Variants in NXPE4 observed in about 807,000 individuals in gnomAD.
NXPE4 encodes neurexophilin and PC-esterase domain family member 4, also known as NXPE family member 4.
In NXPE4, 42 loss-of-function variants were observed where a neutral mutation model predicts 33.3. The observed-to-expected ratio is 1.26, with a 90% CI of 0.98 to 1.63. NXPE4 has a LOEUF of 1.63. NXPE4 is among the 40% of genes most tolerant of loss of function. The pLI is 0.00. For synonymous variants in NXPE4, 253 were observed against 234.9 expected (o/e 1.08, Z -0.71); for missense variants, 709 against 647.6 (o/e 1.09, Z -1.03).
intron 5 of NXPE4, among the ~76,000 whole-genome samples, chr11:114,577,009 TTATATATATATATATA>T (rs56902026): frequency 8.6e-6 from 1 of 116,260 alleles, no homozygotes; most frequent in Non-Finnish European, 1.7e-5. Flanking sequence ...ATATATAAAG[TTATATATATATATATA>T]TACATATATA....
At chr11:114,644,098 T>C in the NXPE4 span, among the ~76,000 whole-genome samples, 2 of 152,212 alleles carry the variant, frequency 1.3e-5, no homozygotes, top group African/African-American at 4.8e-5. Flanking sequence ...TTTTTGCACA[T>C]TGATTTTGTA....
chr11:114,655,904 C>T, the NXPE4 span, among the ~76,000 whole-genome samples: 1 of 152,162 alleles, frequency 6.6e-6, no homozygotes, highest in Non-Finnish European at 1.5e-5. Context: ...TTCTATTCTA[C>T]ATAGTTTTGG....
the NXPE4 span, among the ~76,000 whole-genome samples, chr11:114,676,134 G>A: frequency 6.6e-6 from 1 of 151,920 alleles, no homozygotes; most frequent in Non-Finnish European, 1.5e-5. Context: ...CATAGGACCT[G>A]AAACTGTAAA....
chr11:114,584,934 C>T (rs930415474), intron 2 of NXPE4, among the ~76,000 whole-genome samples: 2 of 152,064 alleles, frequency 1.3e-5, no homozygotes, highest in African/African-American at 4.8e-5. Context: ...GCATAAAAGG[C>T]GCCAGGTCTG....
the NXPE4 span, among the ~76,000 whole-genome samples, chr11:114,643,566 T>C: frequency 6.6e-6 from 1 of 152,116 alleles, no homozygotes; most frequent in Non-Finnish European, 1.5e-5. Flanking sequence ...CAGATGGTTG[T>C]AGATGTGTGG....
the NXPE4 span, among the ~76,000 whole-genome samples, chr11:114,640,222 T>G: frequency 2.8e-5 from 4 of 140,820 alleles, no homozygotes; most frequent in African/African-American, 1.0e-4. Context: ...AAATGTAATT[T>G]ATATATATAA....
the NXPE4 span, among the ~76,000 whole-genome samples, chr11:114,616,753 C>G: frequency 6.6e-6 from 1 of 151,562 alleles, no homozygotes; most frequent in Non-Finnish European, 1.5e-5. Context: ...CACGGTTAAC[C>G]GGTGGATAAT....
the NXPE4 span, among the ~76,000 whole-genome samples, chr11:114,614,625 G>C: frequency 6.6e-6 from 1 of 151,586 alleles, no homozygotes; most frequent in African/African-American, 2.4e-5. Context: ...ACTGTTACCT[G>C]GTGGATTATA....
the NXPE4 span, among the ~76,000 whole-genome samples, chr11:114,601,841 TA>T: frequency 1.6e-5 from 1 of 61,588 alleles, no homozygotes; most frequent in Non-Finnish European, 2.6e-5. Context: ...ATTATATATA[TA>T]ATATAAAATA....
At chr11:114,642,998 T>G in the NXPE4 span, among the ~76,000 whole-genome samples, 1 of 152,188 alleles carries the variant, frequency 6.6e-6, no homozygotes, top group Non-Finnish European at 1.5e-5. Context: ...TGATTTGCAT[T>G]TCTCTAATGA....
At chr11:114,591,012 G>A (rs1487233466) in intron 2 of NXPE4, among the ~76,000 whole-genome samples, 3 of 152,144 alleles carry the variant, frequency 2.0e-5, no homozygotes, top group Admixed American at 1.3e-4. Flanking sequence ...ATGACTGTGA[G>A]CAAGTTGTGG....
the NXPE4 span, among the ~76,000 whole-genome samples, chr11:114,609,227 C>T: frequency 1.3e-5 from 2 of 151,626 alleles, no homozygotes; most frequent in African/African-American, 4.8e-5. Context: ...AGTTTTGCTT[C>T]GTGGGTAACC....
At chr11:114,660,366 G>C in the NXPE4 span, among the ~76,000 whole-genome samples, 1 of 151,786 alleles carries the variant, frequency 6.6e-6, no homozygotes, top group Admixed American at 6.6e-5. Flanking sequence ...CCTCAACAAA[G>C]TATTAGCAAA....
upstream of NXPE4, among the ~76,000 whole-genome samples, chr11:114,599,901 T>C (rs959622656): frequency 3.9e-5 from 6 of 152,000 alleles, no homozygotes; most frequent in African/African-American, 1.2e-4. Context: ...ATCCAAACCA[T>C]ATCAGAATAT....
chr11:114,621,285 G>A, the NXPE4 span, among the ~76,000 whole-genome samples: 23 of 150,782 alleles, frequency 1.5e-4, no homozygotes, highest in South Asian at 1.5e-3. Flanking sequence ...ACTGTTATCC[G>A]GTGGATAACA....
intron 5 of NXPE4, 89 bp from the exon 6 acceptor site, chr11:114,571,562 T>C: frequency 8.6e-7 from 1 of 1,163,672 alleles, no homozygotes; most frequent in Non-Finnish European, 1.2e-6. Flanking sequence ...TTGATTGGTA[T>C]AATTAAATAA....
rs1335951653 is a variant in NXPE4 at position 114,582,537 on chromosome 11, G to C, written c.581C>G (p.Ala194Gly). ...PSEGVSALWS[A>G]RNQGYDRVIF... ...CACCCTGTCATAGCCTTGGTTCCTTGCACTCCAGAGAGCTGACACCCCTTC... is the reference window on the plus strand; with the variant it reads ...CACCCTGTCATAGCCTTGGTTCCTTCCACTCCAGAGAGCTGACACCCCTTC... The change falls in exon 3 of 6, where the codon GCA (alanine) becomes GGA (glycine). Residue 194 changes from alanine (A) to glycine (G), a missense_variant. Physicochemically the swap from Ala to Gly is moderately conservative, Grantham distance 60 (BLOSUM62 0). Transcript: ENST00000375478. 1 of 1,614,022 alleles carries C rather than the reference G, an allele frequency of 6.2e-7. No individual in the cohort carries two copies. The highest frequency in any genetic ancestry group is 1.7e-5 in the Admixed American group (1 of 60,008).
At chr11:114,612,907 C>T in the NXPE4 span, among the ~76,000 whole-genome samples, 1 of 151,974 alleles carries the variant, frequency 6.6e-6, no homozygotes, top group Non-Finnish European at 1.5e-5. Flanking sequence ...AGCACTGTTA[C>T]CCGGTGGATA....
chr11:114,571,515 G>A (rs1948886414), intron 5 of NXPE4, 42 bp from the exon 6 acceptor site: 1 of 1,506,870 alleles, frequency 6.6e-7, no homozygotes, highest in Non-Finnish European at 9.0e-7. Flanking sequence ...GGAGGATATA[G>A]TTACCAAGAT....
Sources: allele counts gnomAD v4.1 joint callset (sites outside exome capture counted in the v4.1 genomes callset), GRCh38; gene constraint gnomAD v4.1.1; transcripts MANE v1.5; gene names NCBI Gene and HGNC (gene_info 2026-07-23, HGNC 2026-07-21).